The following DYNC1H1 variants were observed in gnomAD, a reference collection of about 807,000 sequenced individuals.
DYNC1H1 encodes dynein cytoplasmic 1 heavy chain 1, also known as cytoplasmic dynein 1 heavy chain 1.
DYNC1H1 carries 51 observed loss-of-function variants against 527.1 expected under a neutral mutation model. That is an observed-to-expected ratio of 0.10 (90% CI 0.08 to 0.12). The LOEUF is 0.12. Ranked by LOEUF, DYNC1H1 falls within the 10% of genes least tolerant of loss-of-function variation. The pLI is 1.00. For missense variants in DYNC1H1, 2,771 were observed against 5,971.8 expected (o/e 0.46, Z 17.66); for synonymous variants, 2,189 against 2,278.8 (o/e 0.96, Z 1.12).
Position 102,002,478 on chromosome 14 carries a change from T to A in DYNC1H1, c.4543-59T>A. 6.2e-7 allele frequency: 1 copy of A among 1,606,954 alleles called. No individual in the cohort carries two copies. On this transcript the variant is annotated intron_variant, in intron 21 of 77. Coordinates refer to ENST00000360184, the MANE Select transcript of DYNC1H1 (RefSeq NM_001376.5). This position sits in a 1 kb window ranked among gnomAD's most constrained non-coding sequence, Gnocchi z 4.4. ...TGATCTGCGCTTTTTCAGTGAGTTT[T>A]GGCATATCTGTGAGTAGAAGGGTCA...
At chr14:102,030,020 G>A (rs2048492784) in intron 50 of DYNC1H1, 82 bp downstream of exon 50, 1 of 1,611,194 alleles carries the variant, frequency 6.2e-7, no homozygotes, top group Admixed American at 1.7e-5. Context: ...AGTTCCAAAT[G>A]GGTCTTAGGG....
At chr14:101,971,513 G>C (rs1022510390) in intron 1 of DYNC1H1, among the ~76,000 whole-genome samples, 1 of 152,150 alleles carries the variant, frequency 6.6e-6, no homozygotes. Flanking sequence ...GATCACTTGA[G>C]CTCAGGAGTT....
chr14:101,979,048 T>C lies in DYNC1H1; in HGVS notation c.345-271T>C, dbSNP rs1298237894. On this transcript the variant is annotated intron_variant, in intron 2 of 77. Transcript: ENST00000360184. This position sits in a 1 kb window ranked among gnomAD's most constrained non-coding sequence, Gnocchi z 4.6. Reference sequence around the variant, plus strand: ...ACATTAGTGTAAGATCAGATTTAAGTACTACTTATATTTCTAGGGCAGGTT... The same window carrying C: ...ACATTAGTGTAAGATCAGATTTAAGCACTACTTATATTTCTAGGGCAGGTT... 6.6e-6 allele frequency among the ~76,000 whole-genome samples: 1 copy of C among 152,358 alleles called. No homozygotes were observed. Among genetic ancestry groups the C allele is most frequent in the East Asian group, 1.9e-4 (1 of 5,192 alleles).
chr14:102,006,515 G>C (rs1465370027), intron 27 of DYNC1H1, among the ~76,000 whole-genome samples: 16 of 152,066 alleles, frequency 1.1e-4, no homozygotes. Flanking sequence ...TTACAGGCAT[G>C]AGTCACCACG....
Position 102,041,743 on chromosome 14 carries a change from C to A in DYNC1H1, c.12102+9C>A, listed in dbSNP as rs2048652701. On this transcript the variant is annotated intron_variant, in intron 65 of 77. Transcript: ENST00000360184. This position sits in a 1 kb window ranked among gnomAD's most constrained non-coding sequence, Gnocchi z 4.5. ...ACATTGTGGGCACAGAGGTAATGTC[C>A]TGGTACAGCCCGGGCTTCCCACGAG... 6.2e-6 allele frequency: 10 copies of A among 1,613,994 alleles called. No homozygotes were observed. Among genetic ancestry groups the A allele is most frequent in the Non-Finnish European group, 7.6e-6 (9 of 1,180,046 alleles).
chr14:102,018,497 G>A lies in DYNC1H1; in HGVS notation c.8224G>A (p.Ala2742Thr), dbSNP rs773460120. Reference protein sequence around the residue: ...PVVYVDYPGPASLTQIYGTFN... With the variant: ...PVVYVDYPGPTSLTQIYGTFN... ...CGTGTATGTGGATTACCCGGGCCCC[G>A]CCTCCCTCACACAGATCTACGGCAC... Residue 2742 changes from alanine (A) to threonine (T), a missense_variant, in exon 41 of 78, where the codon GCC becomes ACC. By Grantham distance (58) the Ala-to-Thr change is moderately conservative (BLOSUM62 0). Coordinates refer to ENST00000360184, the MANE Select transcript of DYNC1H1 (RefSeq NM_001376.5). This position sits in a 1 kb window ranked among gnomAD's most constrained non-coding sequence, Gnocchi z 5.2. 5 of 1,613,840 alleles carry A rather than the reference G, an allele frequency of 3.1e-6. No homozygotes were observed. The highest frequency in any genetic ancestry group is 4.2e-6 in the Non-Finnish European group (5 of 1,180,046).
Position 102,049,359 on chromosome 14 carries a change from C to T in DYNC1H1, c.13373-81C>T, listed in dbSNP as rs1567025956. On this transcript the variant is annotated intron_variant, in intron 74 of 77. Coordinates refer to ENST00000360184, the MANE Select transcript of DYNC1H1 (RefSeq NM_001376.5). The surrounding 1 kb of genome is among the most constrained non-coding windows in gnomAD (Gnocchi z 5.5). Reference sequence around the variant, plus strand: ...CCGCCTGTGTGGGCAGCCAGGATGCCTAGCACTTGCACATTTGTTCCATCT... The same window carrying T: ...CCGCCTGTGTGGGCAGCCAGGATGCTTAGCACTTGCACATTTGTTCCATCT... 6.2e-7 allele frequency: 1 copy of T among 1,602,512 alleles called. No homozygotes were observed. Among genetic ancestry groups the T allele is most frequent in the African/African-American group, 1.3e-5 (1 of 74,782 alleles).
rs1197178175 is a variant in DYNC1H1, at chr14:102,049,932, G to A, written c.13684+50G>A. ...CTGGCTCTTTGCAGGTGACCTCGGT[G>A]GCCTGAGACCATTGTTCCCAGATAC... On this transcript the variant is annotated intron_variant, in intron 76 of 77. Transcript: ENST00000360184. The surrounding 1 kb of genome is among the most constrained non-coding windows in gnomAD (Gnocchi z 5.5). 3.2e-6 allele frequency: 5 copies of A among 1,553,170 alleles called. No homozygotes were observed. Among genetic ancestry groups the A allele is most frequent in the South Asian group, 1.1e-5 (1 of 88,968 alleles).
At position 102,036,840 on chromosome 14, in the gene DYNC1H1, T is replaced by A. The variant is rs1316482818; in HGVS notation, c.10908+198T>A. On this transcript the variant is annotated intron_variant, in intron 57 of 77. Transcript: ENST00000360184. The surrounding 1 kb of genome is among the most constrained non-coding windows in gnomAD (Gnocchi z 5.6). ...CTATTCAGTGGTCGGGCGAGGTGGC[T>A]CACACCTGTAATCTCAGCACTTTGG... 1.5e-6 allele frequency: 1 copy of A among 661,290 alleles called. No individual in the cohort carries two copies. Among genetic ancestry groups the A allele is most frequent in the Non-Finnish European group, 2.5e-6 (1 of 400,572 alleles). The allele number at this position is 661,290 out of a possible 1,614,324, so 41.0% of individuals were successfully genotyped here. A position where few individuals can be genotyped will look rare whatever the true frequency, so the allele number is the denominator to read the frequency against.
rs987888842 is a variant in DYNC1H1, at chr14:101,994,973, A to G, written c.3334-13A>G. ...AAGAGCTGATGATGTGTTGTGTGCT[A>G]TTTCACCCTCAGGTACAATCTAAGG... is the stretch of plus-strand genomic sequence containing the variant. On this transcript the variant is annotated splice_polypyrimidine_tract_variant and intron_variant, in intron 13 of 77. Coordinates refer to ENST00000360184, the MANE Select transcript of DYNC1H1 (RefSeq NM_001376.5). 7 of 1,613,886 alleles carry G rather than the reference A, an allele frequency of 4.3e-6. No homozygotes were observed. In the African/African-American group the frequency reaches 5.3e-5, roughly 12 times the overall value.
At position 102,004,082 on chromosome 14, in the gene DYNC1H1, A is replaced by G. The variant is rs181257772; in HGVS notation, c.4884-436A>G. Among the ~76,000 whole-genome samples the G allele has an allele frequency of 3.2e-3, 480 of 151,162 alleles. 1 individual carries two copies. Among genetic ancestry groups the G allele is most frequent in the African/African-American group, 0.011 (474 of 41,324 alleles). On this transcript the variant is annotated intron_variant, in intron 23 of 77. Coordinates refer to ENST00000360184, the MANE Select transcript of DYNC1H1 (RefSeq NM_001376.5). ...TGGTGAAACCCCGTCTCTACTAAAA[A>G]TACAAAAAAAAATTAGCCGGGCGTG...
rs1274926487 is a variant in DYNC1H1, at chr14:102,009,685, G to A, written c.5978-158G>A. On this transcript the variant is annotated intron_variant, in intron 29 of 77. Transcript: ENST00000360184. ...CTGGGCTGGGAGAATGTGGCTGGTG[G>A]TCCCCGAAGAAAGGCCAAAGAGCAG... The A allele has an allele frequency of 4.5e-6, 5 of 1,115,854 alleles. No individual in the cohort carries two copies. In the African/African-American group the frequency reaches 4.7e-5, roughly 11 times the overall value. 69.1% of individuals were successfully genotyped at this position (1,115,854 alleles called of 1,614,324 possible).
intron 2 of DYNC1H1, among the ~76,000 whole-genome samples, chr14:101,978,413 T>C (rs887792943): frequency 2.3e-4 from 35 of 152,168 alleles, no homozygotes; most frequent in African/African-American, 6.8e-4. Context: ...CCTCAAGGGA[T>C]CTACTCACCT....
At chr14:101,992,566 C>T (rs1359652609) in intron 11 of DYNC1H1, among the ~76,000 whole-genome samples, 13 of 152,208 alleles carry the variant, frequency 8.5e-5, no homozygotes, top group Non-Finnish European at 1.2e-4. Flanking sequence ...CCCATCCCCT[C>T]ACTCTCGTTT....
chr14:101,973,712 G>C (rs1452685010), intron 1 of DYNC1H1, among the ~76,000 whole-genome samples: 2 of 152,182 alleles, frequency 1.3e-5, no homozygotes, highest in African/African-American at 4.8e-5. Flanking sequence ...GCTGAGGCAG[G>C]AGGATCTCTT....
Position 101,964,655 on chromosome 14 carries a change from C to T in DYNC1H1, c.-37C>T, listed in dbSNP as rs1310865875. On this transcript the variant is annotated 5_prime_UTR_variant, in exon 1 of 78. Coordinates refer to ENST00000360184, the MANE Select transcript of DYNC1H1 (RefSeq NM_001376.5). The surrounding 1 kb of genome is among the most constrained non-coding windows in gnomAD (Gnocchi z 5.5). The stretch of plus-strand genomic sequence containing the variant: ...GGCTGTCTCGCTGAGTCGCGGCCGC[C>T]TTCTCATCGCTCCTGGAAGGTCCCG... 1 of 1,562,262 alleles carries T rather than the reference C, an allele frequency of 6.4e-7. No homozygotes were observed. The highest frequency in any genetic ancestry group is 8.6e-7 in the Non-Finnish European group (1 of 1,160,278).
chr14:102,032,867 AAG>A, intron 52 of DYNC1H1, 196 bp from the exon 53 acceptor site: 1 of 626,588 alleles, frequency 1.6e-6, no homozygotes, highest in East Asian at 2.8e-5. Flanking sequence ...AAAAAGAAGA[AAG>A]AAAAAAATTG....
chr14:102,042,127 A>G lies in DYNC1H1; in HGVS notation c.12214+3A>G. ...GCAGATCACTTCAATTGCAATCGGT[A>G]AGGATGCTTGAGGGGCTTCATGGGC... On this transcript the variant is annotated splice_donor_region_variant and intron_variant, in intron 66 of 77. Transcript: ENST00000360184. The surrounding 1 kb of genome is among the most constrained non-coding windows in gnomAD (Gnocchi z 5.7). The G allele has an allele frequency of 6.2e-7, 1 of 1,614,016 alleles. No individual in the cohort carries two copies. Among genetic ancestry groups the G allele is most frequent in the Non-Finnish European group, 8.5e-7 (1 of 1,180,004 alleles).
At chr14:101,972,003 A>G (rs2141264309) in intron 1 of DYNC1H1, among the ~76,000 whole-genome samples, 1 of 152,342 alleles carries the variant, frequency 6.6e-6, no homozygotes, top group South Asian at 2.1e-4. Context: ...CATATAGTAC[A>G]GTATTGGTCT....
Sources: allele counts gnomAD v4.1 joint callset (sites outside exome capture counted in the v4.1 genomes callset), GRCh38; gene constraint gnomAD v4.1.1; non-coding constraint Gnocchi (gnomAD v3.1); transcripts MANE v1.5; gene names NCBI Gene and HGNC (gene_info 2026-07-23, HGNC 2026-07-21).